CIT: variants seen among roughly 807,000 people sequenced by gnomAD.
The protein encoded by CIT is citron Rho-interacting kinase.
A neutral mutation model predicts 272.7 loss-of-function variants in CIT; 79 were observed. That is an observed-to-expected ratio of 0.29 (90% CI 0.24 to 0.35). The LOEUF is 0.35. CIT is among the 10% of genes least tolerant of loss of function. The pLI, the probability that CIT is intolerant of heterozygous loss-of-function variation, is 1.00. For missense variants in CIT, 1,909 were observed against 2,618.3 expected (o/e 0.73, Z 5.91); for synonymous variants, 948 against 995.6 (o/e 0.95, Z 0.90).
chr12:119,803,691 G>A (rs551351072), intron 9 of CIT, among the ~76,000 whole-genome samples: 3 of 152,298 alleles, frequency 2.0e-5, no homozygotes, highest in African/African-American at 7.2e-5. Context: ...TGGGGAACTC[G>A]TGGGGAAGCC....
chr12:119,693,860 C>T (rs1217893514), intron 46 of CIT, among the ~76,000 whole-genome samples: 1 of 152,210 alleles, frequency 6.6e-6, no homozygotes, highest in Non-Finnish European at 1.5e-5. Flanking sequence ...GTGGTTCTTC[C>T]ACCAAATTAT....
intron 28 of CIT, among the ~76,000 whole-genome samples, chr12:119,722,633 A>G (rs1957859771): frequency 2.0e-5 from 3 of 152,174 alleles, no homozygotes; most frequent in Admixed American, 2.0e-4. Flanking sequence ...TTTTACACTT[A>G]TCATATCACT....
Position 119,742,372 on chromosome 12 carries a change from T to G in CIT, c.2958+39A>C, listed in dbSNP as rs1959101007. 6.0e-6 allele frequency: 9 copies of G among 1,496,582 alleles called. No homozygotes were observed. The East Asian group carries it at 2.1e-4, about 34-fold the overall frequency. The allele number at this position is 1,496,582 out of a possible 1,614,324, so 92.7% of individuals were successfully genotyped here. On this transcript the variant is annotated intron_variant, in intron 24 of 47. Coordinates refer to ENST00000392521, the MANE Select transcript of CIT (RefSeq NM_001206999.2). ...CCCCTTTTCCTCCTCTGTTTTAGTTTCATGTTATTTTAATCGTCTTTGGGT... is the reference window on the plus strand; with the variant it reads ...CCCCTTTTCCTCCTCTGTTTTAGTTGCATGTTATTTTAATCGTCTTTGGGT...
chr12:119,694,054 G>A lies in CIT; in HGVS notation c.5883-3600C>T, dbSNP rs1419876673. ...AAATAATCTCAGACCTTCTTTGCAGGCCAAGGTTTCAAACTTCCTACACCT... is the reference window on the plus strand; with the variant it reads ...AAATAATCTCAGACCTTCTTTGCAGACCAAGGTTTCAAACTTCCTACACCT... On this transcript the variant is annotated intron_variant, in intron 46 of 47. Coordinates refer to ENST00000392521, the MANE Select transcript of CIT (RefSeq NM_001206999.2). This position sits in a 1 kb window ranked among gnomAD's most constrained non-coding sequence, Gnocchi z 4.5. Among the ~76,000 whole-genome samples, 1 of 152,116 alleles carries A rather than the reference G, an allele frequency of 6.6e-6. No homozygotes were observed. The highest frequency in any genetic ancestry group is 1.5e-5 in the Non-Finnish European group (1 of 68,010).
chr12:119,722,860 C>G (rs2137153320), intron 28 of CIT, among the ~76,000 whole-genome samples: 1 of 152,248 alleles, frequency 6.6e-6, no homozygotes. Context: ...CTGCCTTTCC[C>G]TAACAGTACT....
chr12:119,770,490 C>T lies in CIT; in HGVS notation c.2208+295G>A, dbSNP rs976785445. Among the ~76,000 whole-genome samples the T allele has an allele frequency of 1.3e-5, 2 of 149,950 alleles. No homozygotes were observed. The highest frequency in any genetic ancestry group is 2.9e-5 in the Non-Finnish European group (2 of 67,808). ...TGCTGATAGAAGTATGTCAACACGCCTTTAAAAATGTATTGAAAATGATAG... is the reference window on the plus strand; with the variant it reads ...TGCTGATAGAAGTATGTCAACACGCTTTTAAAAATGTATTGAAAATGATAG... On this transcript the variant is annotated intron_variant, in intron 18 of 47. Coordinates refer to ENST00000392521, the MANE Select transcript of CIT (RefSeq NM_001206999.2). The surrounding 1 kb of genome is among the most constrained non-coding windows in gnomAD (Gnocchi z 4.4).
chr12:119,755,365 A>T (rs893231641), intron 22 of CIT, among the ~76,000 whole-genome samples: 1 of 152,194 alleles, frequency 6.6e-6, no homozygotes, highest in Non-Finnish European at 1.5e-5. Flanking sequence ...TGGAGAACTG[A>T]CTTCATTTTA....
At chr12:119,869,468 T>C (rs1010893840) in intron 2 of CIT, among the ~76,000 whole-genome samples, 11 of 152,332 alleles carry the variant, frequency 7.2e-5, no homozygotes, top group African/African-American at 2.6e-4. Context: ...AAAAGCTCCC[T>C]CACTCCTGAG....
chr12:119,809,956 G>A (rs1240177263), intron 9 of CIT, among the ~76,000 whole-genome samples: 3 of 152,216 alleles, frequency 2.0e-5, no homozygotes, highest in African/African-American at 4.8e-5. Context: ...CAGGGAGGGC[G>A]TGGAAGCTCG....
intron 32 of CIT, among the ~76,000 whole-genome samples, chr12:119,714,750 G>A (rs915109087): frequency 2.0e-5 from 3 of 152,168 alleles, no homozygotes; most frequent in African/African-American, 7.2e-5. Context: ...AAATGGTGCA[G>A]CCACTTTGGA....
intron 4 of CIT, among the ~76,000 whole-genome samples, chr12:119,851,817 G>A: frequency 6.6e-6 from 1 of 152,092 alleles, no homozygotes; most frequent in East Asian, 1.9e-4. Context: ...CCGGAAGACT[G>A]CTTGAGGCCA....
Position 119,712,594 on chromosome 12 carries a change from C to T in CIT, c.4681G>A (p.Ala1561Thr). 6.2e-7 allele frequency: 1 copy of T among 1,614,110 alleles called. No individual in the cohort carries two copies. The highest frequency in any genetic ancestry group is 8.5e-7 in the Non-Finnish European group (1 of 1,179,974). ...GGCTCCTCCGGCTCCTCCTCACCTG[C>T]TTTGGCTGTATTTGCGAGTTCGGAA... Reference protein sequence around the residue: ...GASELANTAKADVPYILKMES... With the variant: ...GASELANTAKTDVPYILKMES... Residue 1561 changes from alanine to threonine, a missense_variant, in exon 36 of 48, where the codon GCA becomes ACA. This residue lies in a region of CIT where 780 missense variants were observed against 1,067.2 expected (regional missense o/e 0.73). Transcript: ENST00000392521. This position sits in a 1 kb window ranked among gnomAD's most constrained non-coding sequence, Gnocchi z 5.2.
intron 7 of CIT, among the ~76,000 whole-genome samples, chr12:119,830,721 G>A (rs1444251126): frequency 1.3e-5 from 2 of 152,132 alleles, no homozygotes; most frequent in Non-Finnish European, 2.9e-5. Flanking sequence ...AGGAGTCAGG[G>A]ATGCAGCTAA....
At position 119,715,353 on chromosome 12, in the gene CIT, A is replaced by G. The variant is rs550584034; in HGVS notation, c.4169-1019T>C. The stretch of plus-strand genomic sequence containing the variant: ...CACAATGGAGTATTATTCAGCCATG[A>G]AAGGAATGAAGTTCTGATACATGCT... On this transcript the variant is annotated intron_variant, in intron 32 of 47. Coordinates refer to ENST00000392521, the MANE Select transcript of CIT (RefSeq NM_001206999.2). 3.3e-5 allele frequency among the ~76,000 whole-genome samples: 5 copies of G among 152,372 alleles called. No individual in the cohort carries two copies. The South Asian group carries it at 1.0e-3, about 32-fold the overall frequency.
intron 27 of CIT, among the ~76,000 whole-genome samples, chr12:119,729,845 G>A (rs548860996): frequency 5.1e-4 from 78 of 152,280 alleles, no homozygotes; most frequent in Middle Eastern, 3.4e-3. Flanking sequence ...GAGTGTCTAT[G>A]TATGCATCTG....
At chr12:119,725,894 T>C (rs1958069884) in intron 28 of CIT, among the ~76,000 whole-genome samples, 1 of 152,236 alleles carries the variant, frequency 6.6e-6, no homozygotes, top group Admixed American at 6.5e-5. Flanking sequence ...CACTGTCTAT[T>C]CACTGCAGAT....
chr12:119,688,095 C>T lies in CIT; in HGVS notation c.*137G>A, dbSNP rs1474744242. The T allele has an allele frequency of 2.2e-6, 2 of 904,176 alleles. No individual in the cohort carries two copies. The highest frequency in any genetic ancestry group is 1.6e-5 in the African/African-American group (1 of 60,838). 56.0% of individuals were successfully genotyped at this position (904,176 alleles called of 1,614,324 possible). A position where few individuals can be genotyped will look rare whatever the true frequency, so the allele number is the denominator to read the frequency against. On this transcript the variant is annotated 3_prime_UTR_variant, in exon 48 of 48. Transcript: ENST00000392521. ...CCTCCTGGAGACAGGGGTGTCCGTG[C>T]CGAGGTGGGTCTGGGCCCCGCTGAG... is the stretch of plus-strand genomic sequence containing the variant.
intron 16 of CIT, 68 bp downstream of exon 16, chr12:119,775,718 G>T: frequency 8.0e-7 from 1 of 1,253,492 alleles, no homozygotes; most frequent in South Asian, 1.2e-5. Flanking sequence ...CGTGCTCTGG[G>T]ACAAGGCAAA....
At chr12:119,761,694 T>G (rs1222783168) in intron 19 of CIT, among the ~76,000 whole-genome samples, 2 of 152,130 alleles carry the variant, frequency 1.3e-5, no homozygotes, top group Admixed American at 1.3e-4. Context: ...TTTCCCTGGT[T>G]CTTTCCTCTG....
Sources: gnomAD v4.1 joint callset for allele counts (sites outside exome capture counted in the v4.1 genomes callset) on GRCh38, gnomAD v4.1.1 for gene constraint, gnomAD v4.1.1 regional missense constraint, Gnocchi (gnomAD v3.1) non-coding constraint, MANE v1.5 for transcripts, NCBI Gene and HGNC (gene_info 2026-07-23, HGNC 2026-07-21) for gene names.